Variants in ZNF618 observed in about 807,000 individuals in gnomAD.
ZNF618 encodes the protein zinc finger protein 618.
Under a neutral mutation model 103.0 loss-of-function variants are expected in ZNF618, and 34 were observed. The observed-to-expected ratio is 0.33, with a 90% confidence interval of 0.25 to 0.44. ZNF618 has a LOEUF of 0.44. ZNF618 is among the 20% of genes least tolerant of loss of function. The pLI, the probability that ZNF618 is intolerant of heterozygous loss-of-function variation, is 1.00. For synonymous variants in ZNF618, 551 were observed against 542.2 expected (o/e 1.02, Z -0.23); for missense variants, 1,059 against 1,295.4 (o/e 0.82, Z 2.80).
chr9:113,977,716 A>G (rs534505940), intron 2 of ZNF618, among the ~76,000 whole-genome samples: 68 of 152,212 alleles, frequency 4.5e-4, no homozygotes, highest in Middle Eastern at 3.4e-3. Context: ...TGCCATTAAC[A>G]CTGCTTCTCC....
At chr9:113,961,225 C>T (rs375264095) in intron 1 of ZNF618, among the ~76,000 whole-genome samples, 3 of 152,168 alleles carry the variant, frequency 2.0e-5, no homozygotes, top group East Asian at 3.9e-4. Context: ...CAGACTTTTC[C>T]CTTCAGAGCA....
intron 6 of ZNF618, among the ~76,000 whole-genome samples, chr9:114,003,000 A>G (rs1395293294): frequency 6.6e-6 from 1 of 152,180 alleles, no homozygotes. Context: ...ATTGACAGAC[A>G]CAGCTGTGCA....
intron 1 of ZNF618, among the ~76,000 whole-genome samples, chr9:113,931,836 T>A (rs1177781377): frequency 6.6e-6 from 1 of 152,246 alleles, no homozygotes; most frequent in Admixed American, 6.5e-5. Context: ...TTTACTTTTT[T>A]AAATGTGTCT....
Position 113,969,289 on chromosome 9 carries a change from A to G in ZNF618, c.77+129A>G, listed in dbSNP as rs117577709. On this transcript the variant is annotated intron_variant, in intron 2 of 14. Transcript: ENST00000374126. ...TGGTCCAGGCCAGCCCTCCTTGGCA[A>G]GAAGTATCCAGACTTCCCCAAAGAA... 415 of 1,107,352 alleles carry G rather than the reference A, an allele frequency of 3.7e-4. 2 individuals are homozygous for G. In the South Asian group the frequency reaches 3.9e-3, roughly 11 times the overall value. The allele number at this position is 1,107,352 out of a possible 1,614,324, so 68.6% of individuals were successfully genotyped here.
intron 1 of ZNF618, among the ~76,000 whole-genome samples, chr9:113,896,186 A>G (rs1196098848): frequency 6.6e-6 from 1 of 151,972 alleles, no homozygotes; most frequent in African/African-American, 2.4e-5. Flanking sequence ...CCAAGTTATT[A>G]TACTTTTATG....
At chr9:113,918,558 T>G (rs1055885058) in intron 1 of ZNF618, among the ~76,000 whole-genome samples, 10 of 152,192 alleles carry the variant, frequency 6.6e-5, no homozygotes, top group Non-Finnish European at 1.3e-4. Flanking sequence ...GATCTCTCCT[T>G]TCTCCTCCAT....
intron 3 of ZNF618, among the ~76,000 whole-genome samples, chr9:113,993,264 C>T (rs1483256357): frequency 1.3e-5 from 2 of 152,208 alleles, no homozygotes; most frequent in South Asian, 2.1e-4. Context: ...CACCCAGCCT[C>T]GCTCCGGGTT....
chr9:114,042,879 C>A (rs917270119), intron 13 of ZNF618, among the ~76,000 whole-genome samples: 4 of 152,192 alleles, frequency 2.6e-5, no homozygotes, highest in Admixed American at 1.3e-4. Context: ...CTTCATGCCC[C>A]TTTGCAGTCA....
intron 1 of ZNF618, among the ~76,000 whole-genome samples, chr9:113,920,400 T>A (rs1296386036): frequency 8.1e-6 from 1 of 123,410 alleles, no homozygotes; most frequent in Admixed American, 9.7e-5. Flanking sequence ...ATTTTCAGAG[T>A]CACAATTTTT....
At chr9:113,944,565 AC>A (rs1834840726) in intron 1 of ZNF618, among the ~76,000 whole-genome samples, 1 of 152,218 alleles carries the variant, frequency 6.6e-6, no homozygotes, top group African/African-American at 2.4e-5. Flanking sequence ...GGCATGAGCC[AC>A]TGTGCCTGGC....
intron 12 of ZNF618, among the ~76,000 whole-genome samples, chr9:114,033,861 G>T (rs1172416978): frequency 6.6e-6 from 1 of 152,238 alleles, no homozygotes; most frequent in Non-Finnish European, 1.5e-5. Context: ...CTGCCTGGGT[G>T]TGGACAGGTG....
rs1421597242 is a variant in ZNF618, at chr9:114,032,796, C to T, written c.1168+68C>T. On this transcript the variant is annotated intron_variant, in intron 12 of 14. Transcript: ENST00000374126. ...GCTTCGCCCGCTCCCCCCTGGCAGC[C>T]GCGGCAGCATCCTGTGGGCTGGGGT... 25 of 1,400,954 alleles carry T rather than the reference C, an allele frequency of 1.8e-5. No homozygotes were observed. In the East Asian group the frequency reaches 2.7e-4, roughly 15 times the overall value. 86.8% of individuals were successfully genotyped at this position (1,400,954 alleles called of 1,614,324 possible). A position where few individuals can be genotyped will look rare whatever the true frequency, so the allele number is the denominator to read the frequency against.
At chr9:114,016,861 G>C (rs749926958) in intron 10 of ZNF618, 77 bp downstream of exon 10, 1 of 1,194,720 alleles carries the variant, frequency 8.4e-7, no homozygotes, top group Non-Finnish European at 1.2e-6. Context: ...CAGGCCTCTG[G>C]AATTTGGCCA....
At chr9:113,966,475 C>G (rs764180086) in intron 1 of ZNF618, among the ~76,000 whole-genome samples, 3 of 152,290 alleles carry the variant, frequency 2.0e-5, no homozygotes, top group Middle Eastern at 3.4e-3. Context: ...ATTTTGGCCT[C>G]AGCACATGGC....
intron 13 of ZNF618, among the ~76,000 whole-genome samples, chr9:114,047,671 A>G (rs1166081212): frequency 6.6e-6 from 1 of 152,208 alleles, no homozygotes; most frequent in Non-Finnish European, 1.5e-5. Flanking sequence ...TAGTCTTACC[A>G]GCAATAGTGT....
chr9:113,954,651 G>T (rs1312816459), intron 1 of ZNF618, among the ~76,000 whole-genome samples: 1 of 152,202 alleles, frequency 6.6e-6, no homozygotes, highest in African/African-American at 2.4e-5. Flanking sequence ...TGCACTTCTG[G>T]AGTTTCCTAT....
chr9:113,980,423 A>G (rs141706940), intron 2 of ZNF618, among the ~76,000 whole-genome samples: 318 of 152,180 alleles, frequency 2.1e-3, no homozygotes, highest in Middle Eastern at 3.4e-3. Flanking sequence ...GGGATTCAAC[A>G]CCATGTAGTT....
At chr9:113,945,213 C>T (rs958234146) in intron 1 of ZNF618, among the ~76,000 whole-genome samples, 1 of 152,066 alleles carries the variant, frequency 6.6e-6, no homozygotes, top group Non-Finnish European at 1.5e-5. Flanking sequence ...GATTATGCCC[C>T]CTTCCCTCAT....
chr9:113,970,573 C>A (rs751565714), intron 2 of ZNF618, among the ~76,000 whole-genome samples: 1 of 152,000 alleles, frequency 6.6e-6, no homozygotes, highest in African/African-American at 2.4e-5. Context: ...AGTTTGTCAA[C>A]CCCTAGTCTA....
Sources: gnomAD v4.1 joint callset for allele counts (sites outside exome capture counted in the v4.1 genomes callset) on GRCh38, gnomAD v4.1.1 for gene constraint, MANE v1.5 for transcripts, NCBI Gene and HGNC (gene_info 2026-07-23, HGNC 2026-07-21) for gene names.